Variants in RBFOX1 observed in about 807,000 individuals in gnomAD.
The protein encoded by RBFOX1 is RNA binding protein fox-1 homolog 1.
In RBFOX1, 8 loss-of-function variants were observed where a neutral mutation model predicts 57.7. The observed-to-expected ratio is 0.14, with a 90% confidence interval of 0.08 to 0.25. The LOEUF is 0.25. Ranked by LOEUF, RBFOX1 falls within the 10% of genes least tolerant of loss-of-function variation. The probability of loss-of-function intolerance (pLI) is 1.00; values close to 1 mark genes in which losing one functional copy is unlikely to be tolerated. For missense variants in RBFOX1, 611 were observed against 548.5 expected (o/e 1.11, Z -1.14); for synonymous variants, 326 against 222.4 (o/e 1.47, Z -4.15).
At chr16:7,374,634 A>G (rs554557140) in intron 4 of RBFOX1, among the ~76,000 whole-genome samples, 3 of 152,194 alleles carry the variant, frequency 2.0e-5, no homozygotes, top group Non-Finnish European at 4.4e-5. Context: ...GTCCAAACTA[A>G]AAACAAAAAA....
At chr16:5,445,608 C>A (rs1212999965) in intron 1 of RBFOX1, among the ~76,000 whole-genome samples, 3 of 152,200 alleles carry the variant, frequency 2.0e-5, no homozygotes, top group African/African-American at 7.2e-5. Flanking sequence ...GGAGGATAAT[C>A]CCCATGAGCT....
intron 2 of RBFOX1, among the ~76,000 whole-genome samples, chr16:5,497,200 A>G (rs890981339): frequency 2.0e-5 from 3 of 152,180 alleles, no homozygotes; most frequent in Non-Finnish European, 1.5e-5. Context: ...TGGTGAATTT[A>G]GATCCACTCT....
Position 7,711,014 on chromosome 16 carries a change from TAATG to T in RBFOX1, c.*273_*276del, listed in dbSNP as rs2083927284. 6.1e-6 allele frequency: 2 copies of T among 329,820 alleles called. No homozygotes were observed. Among genetic ancestry groups the T allele is most frequent in the Non-Finnish European group, 1.1e-5 (2 of 187,122 alleles). 20.4% of individuals were successfully genotyped at this position (329,820 alleles called of 1,614,324 possible). On this transcript the variant is annotated 3_prime_UTR_variant, in exon 16 of 16. Transcript: ENST00000550418. Reference sequence around the variant, plus strand: ...GTGGTTGATCTAGACAGATGCTAGATAATGAATAAAAACTGGTTTAGGGCCATAT... The same window carrying T: ...GTGGTTGATCTAGACAGATGCTAGATAATAAAAACTGGTTTAGGGCCATAT...
intron 3 of RBFOX1, among the ~76,000 whole-genome samples, chr16:6,974,302 T>G (rs548512572): frequency 1.2e-4 from 18 of 151,616 alleles, no homozygotes; most frequent in Admixed American, 9.9e-4. Context: ...AACAGTCCAG[T>G]TTGTGGTGAT....
At chr16:5,920,059 G>T (rs565789082) in intron 4 of RBFOX1, among the ~76,000 whole-genome samples, 2 of 152,208 alleles carry the variant, frequency 1.3e-5, no homozygotes, top group African/African-American at 2.4e-5. Flanking sequence ...TCAGCCTCCC[G>T]AGTAGCGGGG....
At chr16:6,209,831 G>A (rs569271964) in intron 1 of RBFOX1, among the ~76,000 whole-genome samples, 36 of 152,234 alleles carry the variant, frequency 2.4e-4, no homozygotes, top group African/African-American at 8.4e-4. Context: ...TGAGGCAGAG[G>A]GAATCGATAG....
At chr16:6,253,693 GTGTGTGTA>G (rs907677120) in intron 1 of RBFOX1, among the ~76,000 whole-genome samples, 61 of 112,284 alleles carry the variant, frequency 5.4e-4, no homozygotes, top group African/African-American at 1.5e-3. Context: ...GTGTGTGTGT[GTGTGTGTA>G]TATATATATA....
intron 3 of RBFOX1, among the ~76,000 whole-genome samples, chr16:6,747,539 G>C (rs544642447): frequency 6.6e-6 from 1 of 152,132 alleles, no homozygotes; most frequent in African/African-American, 2.4e-5. Context: ...TAAGAAGCCT[G>C]TTGGGGCAGT....
intron 3 of RBFOX1, among the ~76,000 whole-genome samples, chr16:6,894,205 C>A (rs993682839): frequency 6.6e-6 from 1 of 152,182 alleles, no homozygotes; most frequent in Non-Finnish European, 1.5e-5. Flanking sequence ...GTAAGCTTCA[C>A]TTCCATCACT....
intron 11 of RBFOX1, among the ~76,000 whole-genome samples, chr16:7,647,373 G>C (rs2063953783): frequency 6.6e-6 from 1 of 152,162 alleles, no homozygotes; most frequent in African/African-American, 2.4e-5. Context: ...TTTGATTCAT[G>C]CTGGATAAGG....
intron 3 of RBFOX1, among the ~76,000 whole-genome samples, chr16:6,860,188 C>T (rs768281447): frequency 1.3e-5 from 2 of 152,146 alleles, no homozygotes; most frequent in Non-Finnish European, 2.9e-5. Flanking sequence ...TCTGCAATAG[C>T]GGAAATGAAT....
chr16:7,368,038 T>C (rs951180058), intron 4 of RBFOX1, among the ~76,000 whole-genome samples: 2 of 151,848 alleles, frequency 1.3e-5, no homozygotes, highest in African/African-American at 4.8e-5. Flanking sequence ...AAGCCGAGGA[T>C]GGTGAATCAG....
In RBFOX1 at chr16:7,230,877, C is replaced by T. The variant is rs763905463; in HGVS notation, c.27+178779C>T. Among the ~76,000 whole-genome samples, 3 of 152,138 alleles carry T rather than the reference C, an allele frequency of 2.0e-5. No individual in the cohort carries two copies. The East Asian group carries it at 5.8e-4, about 29-fold the overall frequency. ...CTCATTTTATTCCTGGACTATAGTT[C>T]CTCATTTTGTAGAAATCAACTTTGT... On this transcript the variant is annotated intron_variant, in intron 4 of 15. Coordinates refer to ENST00000550418, the MANE Select transcript of RBFOX1 (RefSeq NM_018723.4).
At chr16:7,051,287 G>T (rs544741005) in intron 3 of RBFOX1, among the ~76,000 whole-genome samples, 2 of 152,136 alleles carry the variant, frequency 1.3e-5, no homozygotes, top group African/African-American at 2.4e-5. Context: ...TGTGTCCTTA[G>T]CATAATCATG....
intron 4 of RBFOX1, among the ~76,000 whole-genome samples, chr16:7,376,466 A>C (rs1213493967): frequency 6.6e-6 from 1 of 152,208 alleles, no homozygotes; most frequent in Non-Finnish European, 1.5e-5. Flanking sequence ...CCTGAGGTCA[A>C]ACATGCTGGG....
Position 5,946,876 on chromosome 16 carries a change from A to G in RBFOX1, c.351+79541A>G, listed in dbSNP as rs1461989724. 6.6e-6 allele frequency among the ~76,000 whole-genome samples: 1 copy of G among 152,206 alleles called. No individual in the cohort carries two copies. The highest frequency in any genetic ancestry group is 2.1e-4 in the South Asian group (1 of 4,820). On this transcript the variant is annotated intron_variant, in intron 4 of 19. Transcript: ENST00000641259. This position sits in a 1 kb window ranked among gnomAD's most constrained non-coding sequence, Gnocchi z 4.6. Reference sequence around the variant, plus strand: ...TGTGAAATAAAACCCAACACATATGAGTGTAGAGGTATGCTGCTTGAGTGG... The same window carrying G: ...TGTGAAATAAAACCCAACACATATGGGTGTAGAGGTATGCTGCTTGAGTGG...
chr16:6,629,973 T>TAA (rs146210467), intron 2 of RBFOX1, among the ~76,000 whole-genome samples: 1,496 of 129,936 alleles, frequency 0.012, 35 homozygotes, highest in African/African-American at 0.038. Context: ...TTTTTTTTTT[T>TAA]AAAAAAAAAA....
intron 1 of RBFOX1, among the ~76,000 whole-genome samples, chr16:5,255,337 C>T (rs568771882): frequency 1.3e-4 from 20 of 148,734 alleles, no homozygotes; most frequent in African/African-American, 4.3e-4. Flanking sequence ...TCCATCCATC[C>T]ATCCATCCAT....
At chr16:6,821,654 A>T (rs1403727165) in intron 3 of RBFOX1, among the ~76,000 whole-genome samples, 1 of 152,144 alleles carries the variant, frequency 6.6e-6, no homozygotes, top group Non-Finnish European at 1.5e-5. Context: ...GGCCTTTTTC[A>T]TCTGACTTCT....
Sources: allele counts gnomAD v4.1 joint callset (sites outside exome capture counted in the v4.1 genomes callset), GRCh38; gene constraint gnomAD v4.1.1; non-coding constraint Gnocchi (gnomAD v3.1); transcripts MANE v1.5; gene names NCBI Gene and HGNC (gene_info 2026-07-23, HGNC 2026-07-21).